DTD1: variants seen among roughly 807,000 people sequenced by gnomAD.
DTD1 encodes the protein D-aminoacyl-tRNA deacylase 1.
DTD1 carries 13 observed loss-of-function variants against 25.6 expected under a neutral mutation model. That is an observed-to-expected ratio of 0.51 (90% CI 0.33 to 0.81). The LOEUF is 0.81. DTD1 is among the 30% of genes least tolerant of loss of function. The pLI, the probability that DTD1 is intolerant of heterozygous loss-of-function variation, is 0.02. For synonymous variants in DTD1, 110 were observed against 103.6 expected, an observed-to-expected ratio of 1.06 and a Z score of -0.37; for missense variants, 193 against 266.4, an observed-to-expected ratio of 0.72 and a Z score of 1.92.
At chr20:18,645,130 A>G (rs898920944) in intron 4 of DTD1, among the ~76,000 whole-genome samples, 3 of 152,224 alleles carry the variant, frequency 2.0e-5, no homozygotes, top group Admixed American at 2.0e-4. Flanking sequence ...AGCTTGGGCA[A>G]CAAAGTGAGA....
intron 4 of DTD1, among the ~76,000 whole-genome samples, chr20:18,693,572 G>T (rs1409241575): frequency 1.3e-5 from 2 of 151,550 alleles, no homozygotes; most frequent in African/African-American, 4.9e-5. Context: ...CATGAGAATC[G>T]CTTGAACCCA....
intron 3 of DTD1, among the ~76,000 whole-genome samples, chr20:18,612,826 T>C (rs1367338532): frequency 6.6e-6 from 1 of 152,042 alleles, no homozygotes; most frequent in Admixed American, 6.6e-5. Context: ...ACCTGGCTAA[T>C]TTTTGTATTT....
intron 4 of DTD1, among the ~76,000 whole-genome samples, chr20:18,705,877 A>G (rs1462902782): frequency 1.3e-5 from 2 of 152,168 alleles, no homozygotes; most frequent in East Asian, 1.9e-4. Flanking sequence ...CCTGTATCCT[A>G]CTGAATGCAA....
At chr20:18,656,538 A>T (rs557295363) in intron 4 of DTD1, among the ~76,000 whole-genome samples, 132 of 152,266 alleles carry the variant, frequency 8.7e-4, no homozygotes, top group African/African-American at 3.1e-3. Flanking sequence ...TCATGTTCCC[A>T]TTCAGTTCTT....
At chr20:18,617,465 A>G (rs181604519) in intron 3 of DTD1, among the ~76,000 whole-genome samples, 3 of 151,932 alleles carry the variant, frequency 2.0e-5, no homozygotes, top group East Asian at 1.9e-4. Flanking sequence ...TCATTGTTCT[A>G]TGTTTCTGTA....
At chr20:18,680,302 A>G (rs1452833628) in intron 4 of DTD1, among the ~76,000 whole-genome samples, 1 of 150,732 alleles carries the variant, frequency 6.6e-6, no homozygotes, top group Non-Finnish European at 1.5e-5. Context: ...CTCCCCACTC[A>G]GCCTCCTGAG....
At chr20:18,606,088 AC>A (rs2060655985) in intron 3 of DTD1, among the ~76,000 whole-genome samples, 1 of 100,860 alleles carries the variant, frequency 9.9e-6, no homozygotes. Context: ...CAAGAAAAAA[AC>A]AAACAACCCC....
intron 4 of DTD1, among the ~76,000 whole-genome samples, chr20:18,641,354 T>A (rs1263945750): frequency 6.6e-6 from 1 of 152,252 alleles, no homozygotes; most frequent in Non-Finnish European, 1.5e-5. Context: ...TCTGGGTAAA[T>A]ACCTAGGTAC....
chr20:18,669,466 A>G (rs1452409891), intron 4 of DTD1, among the ~76,000 whole-genome samples: 4 of 152,120 alleles, frequency 2.6e-5, no homozygotes, highest in Non-Finnish European at 4.4e-5. Context: ...TTCTCCTGTC[A>G]TGTGCAGGAT....
intron 4 of DTD1, among the ~76,000 whole-genome samples, chr20:18,728,216 C>G (rs6081327): frequency 0.35 from 52,852 of 151,856 alleles, 9,513 homozygotes; most frequent in Non-Finnish European, 0.4. Context: ...CCTGCCTGGG[C>G]AATGGGCTAG....
At chr20:18,688,637 C>G (rs1453353770) in intron 4 of DTD1, among the ~76,000 whole-genome samples, 3 of 152,042 alleles carry the variant, frequency 2.0e-5, no homozygotes, top group Admixed American at 2.0e-4. Context: ...TGGAAGGTCC[C>G]TTGCCGGGAA....
rs1007617511 is a variant in DTD1, at chr20:18,762,936, C to T, written c.*20-424C>T. 1.3e-4 allele frequency among the ~76,000 whole-genome samples: 20 copies of T among 152,164 alleles called. 1 individual carries two copies. In the East Asian group the frequency reaches 3.5e-3, roughly 26 times the overall value. Reference sequence around the variant, plus strand: ...GAAACCCAGATTATTGATTTGATAACCTTTTTCTTTTGTAATATAAGCATT... The same window carrying T: ...GAAACCCAGATTATTGATTTGATAATCTTTTTCTTTTGTAATATAAGCATT... On this transcript the variant is annotated intron_variant, in intron 5 of 5. Transcript: ENST00000377452.
At chr20:18,623,954 G>T (rs2060747057) in intron 3 of DTD1, among the ~76,000 whole-genome samples, 1 of 150,556 alleles carries the variant, frequency 6.6e-6, no homozygotes, top group African/African-American at 2.4e-5. Flanking sequence ...CTACTCCAGG[G>T]ACTATGGCTC....
chr20:18,636,106 G>A (rs1344295433), intron 4 of DTD1, among the ~76,000 whole-genome samples: 1 of 152,000 alleles, frequency 6.6e-6, no homozygotes, highest in Non-Finnish European at 1.5e-5. Context: ...TGTGTTTTGG[G>A]CAGATTCCTA....
chr20:18,623,008 C>T (rs535563932), intron 3 of DTD1, among the ~76,000 whole-genome samples: 9 of 146,134 alleles, frequency 6.2e-5, no homozygotes, highest in Admixed American at 4.3e-4. Context: ...GGCGCGATCT[C>T]GGCTCATTGC....
intron 4 of DTD1, among the ~76,000 whole-genome samples, chr20:18,648,391 G>C (rs928247035): frequency 2.6e-5 from 4 of 152,228 alleles, no homozygotes; most frequent in African/African-American, 9.6e-5. Context: ...TGCGTCTGCA[G>C]CTGAGTTTGG....
At chr20:18,712,578 C>T (rs952843795) in intron 4 of DTD1, among the ~76,000 whole-genome samples, 8 of 152,068 alleles carry the variant, frequency 5.3e-5, no homozygotes, top group African/African-American at 1.7e-4. Flanking sequence ...CATATGAAAA[C>T]GAAATCTTAA....
intron 4 of DTD1, among the ~76,000 whole-genome samples, chr20:18,731,670 G>A (rs937730505): frequency 2.6e-5 from 4 of 152,076 alleles, no homozygotes; most frequent in Admixed American, 6.6e-5. Flanking sequence ...TACAGATGAA[G>A]ACTCAACACT....
At chr20:18,660,186 G>A (rs1200763325) in intron 4 of DTD1, among the ~76,000 whole-genome samples, 16 of 152,120 alleles carry the variant, frequency 1.1e-4, no homozygotes, top group Non-Finnish European at 2.2e-4. Context: ...CAGCCTGGGA[G>A]CCAGAGCGAG....
Sources: allele counts gnomAD v4.1 joint callset (sites outside exome capture counted in the v4.1 genomes callset), GRCh38; gene constraint gnomAD v4.1.1; transcripts MANE v1.5; gene names NCBI Gene and HGNC (gene_info 2026-07-23, HGNC 2026-07-21).